Variants in TPD52L1 observed in about 807,000 individuals in gnomAD.
The protein encoded by TPD52L1 is tumor protein D53.
In TPD52L1, 18 loss-of-function variants were observed where a neutral mutation model predicts 28.7. The ratio of observed to expected loss-of-function variants is 0.63; its 90% CI spans 0.43 to 0.93. TPD52L1 has a LOEUF of 0.93. Ranked by LOEUF, TPD52L1 falls within the 40% of genes least tolerant of loss-of-function variation. TPD52L1 has a pLI of 0.00. For missense variants in TPD52L1, 203 were observed against 254.8 expected (o/e 0.80, Z 1.39); for synonymous variants, 75 against 88.8 (o/e 0.84, Z 0.88).
intron 1 of TPD52L1, among the ~76,000 whole-genome samples, chr6:125,167,413 G>A (rs1318695015): frequency 6.6e-6 from 1 of 152,160 alleles, no homozygotes; most frequent in Admixed American, 6.5e-5. Context: ...TTGGCCTACT[G>A]TGTATCTGGT....
At position 125,242,404 on chromosome 6, in the gene TPD52L1, T is replaced by A. The variant is rs542710427; in HGVS notation, c.285-5878T>A. 3.9e-5 allele frequency among the ~76,000 whole-genome samples: 6 copies of A among 152,180 alleles called. No individual in the cohort carries two copies. The South Asian group carries it at 1.0e-3, about 26-fold the overall frequency. ...TCATTGTAGTATTAAAGTCCCCCAC[T>A]ATTATTGCATTGCCATCTATCTCAT... On this transcript the variant is annotated intron_variant, in intron 3 of 6. Transcript: ENST00000534000.
At chr6:125,231,162 A>G (rs1795926202) in intron 3 of TPD52L1, 1 of 152,126 alleles carries the variant, frequency 6.6e-6, no homozygotes, top group Non-Finnish European at 1.5e-5. Flanking sequence ...TTCGTATAAC[A>G]CTGGTCTGAA....
chr6:125,233,433 G>A (rs1272081530), intron 3 of TPD52L1, among the ~76,000 whole-genome samples: 2 of 152,184 alleles, frequency 1.3e-5, no homozygotes, highest in African/African-American at 4.8e-5. Context: ...AGGAGTGCCA[G>A]TGAAGATTAA....
intron 1 of TPD52L1, chr6:125,209,066 C>A: frequency 1.7e-6 from 1 of 589,122 alleles, no homozygotes; most frequent in Non-Finnish European, 2.1e-6. Flanking sequence ...CAGCCTTGAT[C>A]TCTGATACTG....
intron 1 of TPD52L1, among the ~76,000 whole-genome samples, chr6:125,160,661 C>T (rs1369023281): frequency 6.6e-6 from 1 of 152,138 alleles, no homozygotes; most frequent in Non-Finnish European, 1.5e-5. Flanking sequence ...GCATCGACTC[C>T]TCCTCTCTAG....
intron 1 of TPD52L1, among the ~76,000 whole-genome samples, chr6:125,211,788 C>T (rs1001510773): frequency 2.7e-4 from 41 of 152,180 alleles, no homozygotes; most frequent in African/African-American, 8.9e-4. Flanking sequence ...ATAAAACACA[C>T]TTAAGAGACT....
intron 1 of TPD52L1, among the ~76,000 whole-genome samples, chr6:125,169,547 T>G (rs116554090): frequency 2.1e-3 from 313 of 152,304 alleles, no homozygotes; most frequent in African/African-American, 7.4e-3. Context: ...AAACCTATCA[T>G]CCACGGTTTA....
intron 1 of TPD52L1, among the ~76,000 whole-genome samples, chr6:125,172,551 T>A (rs544551747): frequency 4.2e-4 from 35 of 83,826 alleles, no homozygotes; most frequent in African/African-American, 1.5e-3. Context: ...TATATATATA[T>A]AATATATATA....
chr6:125,252,285 CTT>C (rs1797319319), intron 4 of TPD52L1: 1 of 439,894 alleles, frequency 2.3e-6, no homozygotes, highest in Admixed American at 4.3e-5. Context: ...TCAGGAGTCT[CTT>C]TCTCTGCACC....
intron 3 of TPD52L1, among the ~76,000 whole-genome samples, chr6:125,236,391 T>TA (rs969972273): frequency 3.9e-5 from 6 of 152,178 alleles, no homozygotes; most frequent in Admixed American, 3.9e-4. Context: ...GAAATGTGTT[T>TA]AAAACACAAT....
intron 1 of TPD52L1, among the ~76,000 whole-genome samples, chr6:125,186,623 T>C (rs1391737602): frequency 1.3e-5 from 2 of 152,208 alleles, no homozygotes; most frequent in Non-Finnish European, 2.9e-5. Flanking sequence ...CAAAGTGTTA[T>C]GATAACTATA....
intron 2 of TPD52L1, among the ~76,000 whole-genome samples, chr6:125,221,557 C>T (rs1431026096): frequency 6.6e-6 from 1 of 152,146 alleles, no homozygotes; most frequent in Non-Finnish European, 1.5e-5. Flanking sequence ...TTTTTCTGGG[C>T]TGTAGGATTA....
chr6:125,196,938 A>G (rs1037906397), intron 1 of TPD52L1, among the ~76,000 whole-genome samples: 2 of 152,356 alleles, frequency 1.3e-5, no homozygotes, highest in East Asian at 3.9e-4. Context: ...AAGAAAAAGA[A>G]AATAAAAGAA....
At chr6:125,223,331 G>A (rs1198219566) in intron 2 of TPD52L1, among the ~76,000 whole-genome samples, 3 of 152,124 alleles carry the variant, frequency 2.0e-5, no homozygotes, top group African/African-American at 7.2e-5. Flanking sequence ...GCTGGCAAGA[G>A]GAAGACTTCT....
intron 1 of TPD52L1, among the ~76,000 whole-genome samples, chr6:125,184,265 A>G (rs1398878052): frequency 2.6e-5 from 4 of 152,338 alleles, no homozygotes; most frequent in Non-Finnish European, 5.9e-5. Context: ...CAAGCAGTGG[A>G]TCCTTTCATC....
chr6:125,156,965 G>T (rs755698007), intron 1 of TPD52L1, among the ~76,000 whole-genome samples: 5 of 152,164 alleles, frequency 3.3e-5, no homozygotes, highest in Non-Finnish European at 7.3e-5. Context: ...TATTTATAAA[G>T]CAGAGATATT....
intron 3 of TPD52L1, among the ~76,000 whole-genome samples, chr6:125,247,873 T>C (rs1478433876): frequency 6.6e-6 from 1 of 152,240 alleles, no homozygotes; most frequent in East Asian, 1.9e-4. Flanking sequence ...CAGTGTAAGC[T>C]TAGATGTACC....
chr6:125,221,713 A>C (rs1253044503), intron 2 of TPD52L1: 2 of 152,212 alleles, frequency 1.3e-5, no homozygotes, highest in African/African-American at 4.8e-5. Flanking sequence ...ATATGAAAAA[A>C]TAGAAGTGTT....
intron 1 of TPD52L1, among the ~76,000 whole-genome samples, chr6:125,168,660 G>T (rs1445674156): frequency 6.6e-6 from 1 of 151,994 alleles, no homozygotes; most frequent in Non-Finnish European, 1.5e-5. Context: ...TGGGACTACA[G>T]GCGCCCGCCA....
Sources: allele counts gnomAD v4.1 joint callset (sites outside exome capture counted in the v4.1 genomes callset), GRCh38; gene constraint gnomAD v4.1.1; transcripts MANE v1.5; gene names NCBI Gene and HGNC (gene_info 2026-07-23, HGNC 2026-07-21).